KCNH8: variants seen among roughly 807,000 people sequenced by gnomAD.
KCNH8 encodes the protein voltage-gated delayed rectifier potassium channel KCNH8.
Under a neutral mutation model 103.6 loss-of-function variants are expected in KCNH8, and 70 were observed. The ratio of observed to expected loss-of-function variants is 0.68; its 90% confidence interval spans 0.56 to 0.82. The LOEUF is 0.82. KCNH8 is among the 40% of genes least tolerant of loss of function. The pLI is 0.00. For missense variants in KCNH8, 1,217 were observed against 1,329.9 expected, an observed-to-expected ratio of 0.92 and a Z score of 1.32; for synonymous variants, 498 against 489.4, an observed-to-expected ratio of 1.02 and a Z score of -0.23.
At chr3:19,475,882 C>G (rs1366790931) in intron 11 of KCNH8, among the ~76,000 whole-genome samples, 1 of 152,130 alleles carries the variant, frequency 6.6e-6, no homozygotes, top group Non-Finnish European at 1.5e-5. Context: ...CGAATTCTCT[C>G]AAAGACTTGT....
At chr3:19,420,370 G>C (rs2066932700) in intron 7 of KCNH8, among the ~76,000 whole-genome samples, 1 of 152,138 alleles carries the variant, frequency 6.6e-6, no homozygotes, top group Non-Finnish European at 1.5e-5. Flanking sequence ...TGATGGTCAG[G>C]GATTAAAGGC....
chr3:19,165,457 A>G (rs756068502), intron 1 of KCNH8, among the ~76,000 whole-genome samples: 5 of 152,178 alleles, frequency 3.3e-5, no homozygotes, highest in Non-Finnish European at 1.5e-5. Context: ...TAACAGTAAA[A>G]TTAGATTAAA....
In KCNH8 at chr3:19,260,257, C is replaced by T. The variant is rs919652952; in HGVS notation, c.310+6370C>T. ...TTGTGTACCATTAGAATTATTCATA[C>T]CACTATTTGGGCAACACGCTATGTT... On this transcript the variant is annotated intron_variant, in intron 2 of 15. Transcript: ENST00000328405. 5.3e-5 allele frequency among the ~76,000 whole-genome samples: 8 copies of T among 150,810 alleles called. No homozygotes were observed. The Admixed American group carries it at 5.3e-4, about 10-fold the overall frequency.
intron 7 of KCNH8, among the ~76,000 whole-genome samples, chr3:19,430,551 T>C (rs1293876266): frequency 1.3e-5 from 2 of 152,212 alleles, no homozygotes; most frequent in East Asian, 1.9e-4. Flanking sequence ...AGGAATAGCA[T>C]TGAATCTATA....
intron 1 of KCNH8, among the ~76,000 whole-genome samples, chr3:19,229,997 T>C (rs561939998): frequency 3.3e-4 from 50 of 151,046 alleles, no homozygotes; most frequent in Non-Finnish European, 6.3e-4. Flanking sequence ...CAGTTCCACG[T>C]AGCTGGGGAG....
At chr3:19,288,591 T>C (rs1287387314) in intron 3 of KCNH8, among the ~76,000 whole-genome samples, 1 of 152,194 alleles carries the variant, frequency 6.6e-6, no homozygotes, top group Non-Finnish European at 1.5e-5. Flanking sequence ...AAGTATTCCA[T>C]GGTGTATATG....
intron 4 of KCNH8, among the ~76,000 whole-genome samples, chr3:19,345,142 C>T (rs1419129984): frequency 6.6e-6 from 1 of 152,092 alleles, no homozygotes; most frequent in African/African-American, 2.4e-5. Flanking sequence ...ATTCTGCCTT[C>T]CTTGATTGTT....
chr3:19,387,158 A>C (rs75927403), intron 5 of KCNH8, among the ~76,000 whole-genome samples: 5,628 of 152,228 alleles, frequency 0.037, 161 homozygotes, highest in Non-Finnish European at 0.061. Context: ...TCCAGAATCA[A>C]AGACAGTTCA....
At chr3:19,489,454 G>A (rs567612621) in intron 11 of KCNH8, among the ~76,000 whole-genome samples, 3 of 152,048 alleles carry the variant, frequency 2.0e-5, no homozygotes, top group East Asian at 1.9e-4. Flanking sequence ...GAATTGATAC[G>A]GGAATTGATC....
chr3:19,513,541 C>T (rs1315897440), intron 13 of KCNH8, among the ~76,000 whole-genome samples: 1 of 152,198 alleles, frequency 6.6e-6, no homozygotes, highest in Admixed American at 6.5e-5. Context: ...ACTAAATGTT[C>T]AGAAATCCTT....
chr3:19,499,646 G>A (rs911914760), intron 11 of KCNH8, among the ~76,000 whole-genome samples: 3 of 152,086 alleles, frequency 2.0e-5, no homozygotes, highest in African/African-American at 4.8e-5. Context: ...ACATTCTTAA[G>A]GAAAAGAATT....
chr3:19,438,447 A>C (rs1474828203), intron 8 of KCNH8, 86 bp downstream of exon 8: 1 of 1,070,188 alleles, frequency 9.3e-7, no homozygotes, highest in African/African-American at 1.6e-5. Flanking sequence ...TGAAATACAA[A>C]ACAGATAAAC....
At chr3:19,286,301 T>A (rs781470465) in intron 3 of KCNH8, among the ~76,000 whole-genome samples, 36 of 152,188 alleles carry the variant, frequency 2.4e-4, no homozygotes, top group Non-Finnish European at 3.8e-4. Context: ...AATAATTAAG[T>A]TAAAATGAAG....
At chr3:19,515,210 C>A in intron 13 of KCNH8, 112 bp from the exon 14 acceptor site, 1 of 572,782 alleles carries the variant, frequency 1.7e-6, no homozygotes, top group Non-Finnish European at 3.0e-6. Flanking sequence ...AATAGCTCAG[C>A]TCTAGAGCAT....
intron 7 of KCNH8, among the ~76,000 whole-genome samples, chr3:19,423,826 G>C (rs1257571883): frequency 6.6e-6 from 1 of 152,072 alleles, no homozygotes; most frequent in Non-Finnish European, 1.5e-5. Context: ...TCAAATGGTA[G>C]TTCTACTTTT....
At chr3:19,482,095 T>TGAGC (rs1217579072) in intron 11 of KCNH8, among the ~76,000 whole-genome samples, 1 of 152,168 alleles carries the variant, frequency 6.6e-6, no homozygotes, top group Admixed American at 6.5e-5. Context: ...CGTGATCGAT[T>TGAGC]GAGCAAGCAA....
At chr3:19,319,525 T>G (rs190354043) in intron 3 of KCNH8, among the ~76,000 whole-genome samples, 1 of 152,258 alleles carries the variant, frequency 6.6e-6, no homozygotes, top group East Asian at 1.9e-4. Context: ...TTGGTCTATA[T>G]GCCTATTTTT....
intron 3 of KCNH8, among the ~76,000 whole-genome samples, chr3:19,318,209 G>C (rs1249733826): frequency 1.3e-5 from 2 of 151,816 alleles, no homozygotes; most frequent in African/African-American, 4.8e-5. Flanking sequence ...CAAATCACAA[G>C]CTGTATTAGT....
chr3:19,527,957 T>A (rs1336164974), intron 15 of KCNH8, among the ~76,000 whole-genome samples: 2 of 151,998 alleles, frequency 1.3e-5, no homozygotes, highest in East Asian at 3.9e-4. Flanking sequence ...TTTTAACAGT[T>A]GGGATTCTGG....
Sources: allele counts gnomAD v4.1 joint callset (sites outside exome capture counted in the v4.1 genomes callset), GRCh38; gene constraint gnomAD v4.1.1; transcripts MANE v1.5; gene names NCBI Gene and HGNC (gene_info 2026-07-23, HGNC 2026-07-21).